Variants in PCLO observed in about 807,000 individuals in gnomAD.
PCLO encodes protein piccolo.
A neutral mutation model predicts 427.5 loss-of-function variants in PCLO; 82 were observed. The ratio of observed to expected loss-of-function variants is 0.19; its 90% CI spans 0.16 to 0.23. The LOEUF is 0.23. Among genes scored for constraint, PCLO ranks in the 10% least tolerant of loss-of-function variants. The pLI is 1.00. For missense variants in PCLO, 6,239 were observed against 6,115.9 expected, an observed-to-expected ratio of 1.02 and a Z score of -0.67; for synonymous variants, 2,357 against 2,155.4, an observed-to-expected ratio of 1.09 and a Z score of -2.59.
chr7:82,975,676 A>T (rs959653395), intron 3 of PCLO, among the ~76,000 whole-genome samples: 6 of 152,164 alleles, frequency 3.9e-5, no homozygotes, highest in Admixed American at 3.3e-4. Context: ...TACAGTGTAC[A>T]GTATTGTTTG....
At chr7:82,965,340 T>C (rs1374515247) in intron 4 of PCLO, among the ~76,000 whole-genome samples, 1 of 150,164 alleles carries the variant, frequency 6.7e-6, no homozygotes, top group Non-Finnish European at 1.5e-5. Flanking sequence ...TTGCAATCAC[T>C]TTATGGCTGA....
intron 10 of PCLO, among the ~76,000 whole-genome samples, chr7:82,848,363 T>C (rs1291452168): frequency 7.4e-6 from 1 of 134,968 alleles, no homozygotes; most frequent in Non-Finnish European, 1.5e-5. Context: ...CAGACTGGAG[T>C]GCAGTGGTGT....
intron 20 of PCLO, among the ~76,000 whole-genome samples, chr7:82,816,423 T>C (rs948173292): frequency 2.0e-5 from 3 of 152,064 alleles, no homozygotes; most frequent in Non-Finnish European, 2.9e-5. Context: ...TGTGTCTCCA[T>C]TGGCATTCTC....
rs116819202 is a variant in PCLO, at chr7:82,916,286, G to T, written c.11700C>A (p.Pro3900=). The T allele has an allele frequency of 3.8e-3, 6,210 of 1,613,674 alleles. 208 individuals are homozygous for T. In the African/African-American group the frequency reaches 0.072, roughly 19 times the overall value. ...YSSPALPTQA[P]TSYTQQSHFE... ...AATGAGACTGTTGAGTGTATGAGGTGGGTGCTTGGGTAGGAAGAGCAGGGG... is the reference window on the plus strand; with the variant it reads ...AATGAGACTGTTGAGTGTATGAGGTTGGTGCTTGGGTAGGAAGAGCAGGGG... Residue 3900 remains proline (P), a synonymous_variant, in exon 7 of 25, where the codon CCC becomes CCA. Transcript: ENST00000333891.
intron 22 of PCLO, among the ~76,000 whole-genome samples, chr7:82,768,358 G>A (rs62466887): frequency 0.063 from 9,590 of 151,852 alleles, 708 homozygotes; most frequent in African/African-American, 0.18. Context: ...GGGAGGCAGA[G>A]GTTGTAGTGA....
chr7:82,856,141 C>A (rs955466713), intron 10 of PCLO, among the ~76,000 whole-genome samples: 1 of 152,090 alleles, frequency 6.6e-6, no homozygotes, highest in Admixed American at 6.6e-5. Flanking sequence ...GTAATACCCT[C>A]ACTGGGAAGT....
intron 3 of PCLO, among the ~76,000 whole-genome samples, chr7:82,971,347 T>C (rs772184741): frequency 5.9e-4 from 89 of 151,684 alleles, no homozygotes; most frequent in Non-Finnish European, 1.0e-4. Flanking sequence ...AAATGAGTTA[T>C]AGTTTTATCT....
At chr7:82,826,567 G>A (rs1258342748) in intron 18 of PCLO, 22 bp downstream of exon 18, 1 of 1,520,906 alleles carries the variant, frequency 6.6e-7, no homozygotes, top group Non-Finnish European at 9.1e-7. Flanking sequence ...AGCAAATAAG[G>A]GAAAGGAAGT....
At chr7:82,769,421 TATTA>T (rs1389770721) in intron 22 of PCLO, among the ~76,000 whole-genome samples, 1 of 152,138 alleles carries the variant, frequency 6.6e-6, no homozygotes, top group Non-Finnish European at 1.5e-5. Flanking sequence ...GAAAAGTGAC[TATTA>T]ATTGAGAAGA....
intron 10 of PCLO, among the ~76,000 whole-genome samples, chr7:82,850,376 G>A (rs1333898573): frequency 6.6e-6 from 1 of 152,026 alleles, no homozygotes; most frequent in African/African-American, 2.4e-5. Context: ...TCGATGATAG[G>A]ATTTGTTGCA....
At chr7:82,910,844 C>T (rs1043905781) in intron 7 of PCLO, among the ~76,000 whole-genome samples, 6 of 152,042 alleles carry the variant, frequency 3.9e-5, no homozygotes, top group Non-Finnish European at 7.4e-5. Context: ...AAATACAAAA[C>T]AAATTCATTA....
intron 3 of PCLO, among the ~76,000 whole-genome samples, chr7:83,101,409 G>T (rs1440970116): frequency 6.6e-6 from 1 of 151,964 alleles, no homozygotes; most frequent in Non-Finnish European, 1.5e-5. Flanking sequence ...AAATAAATCT[G>T]CATCACTAGT....
At chr7:82,784,383 T>G (rs12672552) in intron 22 of PCLO, among the ~76,000 whole-genome samples, 1 of 152,112 alleles carries the variant, frequency 6.6e-6, no homozygotes, top group African/African-American at 2.4e-5. Flanking sequence ...TCTCCCTCAT[T>G]TTCTTCAGTG....
chr7:83,041,609 T>C (rs1469795104), intron 3 of PCLO, among the ~76,000 whole-genome samples: 1 of 152,188 alleles, frequency 6.6e-6, no homozygotes, highest in Non-Finnish European at 1.5e-5. Context: ...TCATTTTTAA[T>C]ATCTTTTCAA....
intron 10 of PCLO, among the ~76,000 whole-genome samples, chr7:82,861,130 G>T (rs1413952086): frequency 6.6e-6 from 1 of 151,956 alleles, no homozygotes; most frequent in Non-Finnish European, 1.5e-5. Context: ...AATGTAAATG[G>T]ACTAAACACT....
At chr7:83,133,635 G>C (rs567883480) in intron 3 of PCLO, among the ~76,000 whole-genome samples, 1 of 151,594 alleles carries the variant, frequency 6.6e-6, no homozygotes, top group South Asian at 2.1e-4. Context: ...ATATCATACA[G>C]ATGCCCAATA....
At chr7:83,062,948 A>T (rs1462091014) in intron 3 of PCLO, among the ~76,000 whole-genome samples, 1 of 152,090 alleles carries the variant, frequency 6.6e-6, no homozygotes, top group Non-Finnish European at 1.5e-5. Flanking sequence ...CCAAATTTTC[A>T]CATATATAAC....
At position 83,134,805 on chromosome 7, in the gene PCLO, G is replaced by C; in HGVS notation, c.2745C>G (p.Ala915=). 6.2e-7 allele frequency: 1 copy of C among 1,613,788 alleles called. No individual in the cohort carries two copies. Among genetic ancestry groups the C allele is most frequent in the African/African-American group, 1.3e-5 (1 of 75,004 alleles). Residue 915 remains alanine, a synonymous_variant, in exon 3 of 25, where the codon GCC becomes GCG. Coordinates refer to ENST00000333891, the MANE Select transcript of PCLO (RefSeq NM_033026.6). The stretch of plus-strand genomic sequence containing the variant: ...GAGGAGTTGTAGGCTGTGATTTGGG[G>C]GCATCAGTAATACTTCCCAGATTCA... ...FSLNLGSITD[A]PKSQPTTPQE...
At chr7:82,876,413 T>C (rs764634923) in intron 10 of PCLO, among the ~76,000 whole-genome samples, 1 of 150,474 alleles carries the variant, frequency 6.6e-6, no homozygotes, top group Non-Finnish European at 1.5e-5. Context: ...ATGAAGGATA[T>C]AGTGTATAAA....
Sources: gnomAD v4.1 joint callset for allele counts (sites outside exome capture counted in the v4.1 genomes callset) on GRCh38, gnomAD v4.1.1 for gene constraint, MANE v1.5 for transcripts, NCBI Gene and HGNC (gene_info 2026-07-23, HGNC 2026-07-21) for gene names.